The following RBFOX1 variants were observed in gnomAD, a reference collection of about 807,000 sequenced individuals.
RBFOX1 encodes RNA binding protein fox-1 homolog 1.
Under a neutral mutation model 57.7 loss-of-function variants are expected in RBFOX1, and 8 were observed. The ratio of observed to expected loss-of-function variants is 0.14; its 90% CI spans 0.08 to 0.25. RBFOX1 has a LOEUF of 0.25. RBFOX1 is among the 10% of genes least tolerant of loss of function. The probability of loss-of-function intolerance (pLI) is 1.00; values close to 1 mark genes in which losing one functional copy is unlikely to be tolerated. For synonymous variants in RBFOX1, 326 were observed against 222.4 expected, an observed-to-expected ratio of 1.47 and a Z score of -4.15; for missense variants, 611 against 548.5, an observed-to-expected ratio of 1.11 and a Z score of -1.14.
intron 4 of RBFOX1, among the ~76,000 whole-genome samples, chr16:7,063,141 C>G (rs892136890): frequency 2.6e-5 from 4 of 151,922 alleles, no homozygotes; most frequent in African/African-American, 7.3e-5. Flanking sequence ...GAAAGGAGCT[C>G]TTGGTTTAGG....
chr16:5,281,310 T>A (rs972468931), intron 1 of RBFOX1, among the ~76,000 whole-genome samples: 1 of 152,234 alleles, frequency 6.6e-6, no homozygotes, highest in Non-Finnish European at 1.5e-5. Flanking sequence ...ATTTTAATTT[T>A]TAAAATTTTG....
chr16:6,847,135 A>G (rs887408852), intron 3 of RBFOX1, among the ~76,000 whole-genome samples: 2 of 151,954 alleles, frequency 1.3e-5, no homozygotes, highest in African/African-American at 2.4e-5. Context: ...TGGTTCATCC[A>G]CTCCTGTCTT....
At chr16:6,662,055 C>G (rs2098704722) in intron 3 of RBFOX1, among the ~76,000 whole-genome samples, 1 of 151,588 alleles carries the variant, frequency 6.6e-6, no homozygotes, top group South Asian at 2.1e-4. Context: ...ACTACATGAG[C>G]TCACTTTTAC....
intron 4 of RBFOX1, among the ~76,000 whole-genome samples, chr16:7,148,465 A>G (rs978199739): frequency 5.9e-5 from 9 of 152,208 alleles, no homozygotes; most frequent in Non-Finnish European, 1.3e-4. Flanking sequence ...TGCTGTTTAC[A>G]TCTCAACTTC....
chr16:7,382,969 A>T (rs1257237873), intron 4 of RBFOX1, among the ~76,000 whole-genome samples: 1 of 152,234 alleles, frequency 6.6e-6, no homozygotes, highest in Non-Finnish European at 1.5e-5. Context: ...GAAAAGAAGG[A>T]ACATCTAGCC....
At chr16:7,191,381 G>T (rs759245392) in intron 4 of RBFOX1, among the ~76,000 whole-genome samples, 2 of 151,498 alleles carry the variant, frequency 1.3e-5, no homozygotes, top group Non-Finnish European at 2.9e-5. Context: ...TTTCCTGGAT[G>T]CTTTACAATA....
intron 1 of RBFOX1, among the ~76,000 whole-genome samples, chr16:5,306,241 C>G (rs909847730): frequency 1.3e-5 from 2 of 152,074 alleles, no homozygotes; most frequent in African/African-American, 4.8e-5. Flanking sequence ...GTAAAGAAGA[C>G]TTAGAACCTT....
At chr16:7,597,552 A>G (rs775985815) in intron 9 of RBFOX1, 121 bp downstream of exon 9, 10 of 801,912 alleles carry the variant, frequency 1.2e-5, no homozygotes, top group Middle Eastern at 5.0e-4. Context: ...TGTTTTTACT[A>G]CTGACCTGCT....
chr16:5,392,998 C>A (rs2066456010), intron 1 of RBFOX1, among the ~76,000 whole-genome samples: 2 of 151,942 alleles, frequency 1.3e-5, no homozygotes, highest in African/African-American at 2.4e-5. Flanking sequence ...GATGTGGTAC[C>A]CCTGAAATAG....
chr16:7,297,396 G>C (rs1426656563), intron 4 of RBFOX1, among the ~76,000 whole-genome samples: 1 of 152,194 alleles, frequency 6.6e-6, no homozygotes, highest in Non-Finnish European at 1.5e-5. Flanking sequence ...CTTGGCACCT[G>C]AGGAAGGGGT....
At chr16:6,657,653 C>G (rs572808116) in intron 3 of RBFOX1, among the ~76,000 whole-genome samples, 4 of 152,094 alleles carry the variant, frequency 2.6e-5, no homozygotes, top group African/African-American at 9.7e-5. Flanking sequence ...AACCCAAATG[C>G]TTCTGGCAAA....
Position 7,710,934 on chromosome 16 carries a change from T to C in RBFOX1, c.*189T>C. On this transcript the variant is annotated 3_prime_UTR_variant, in exon 16 of 16. Coordinates refer to ENST00000550418, the MANE Select transcript of RBFOX1 (RefSeq NM_018723.4). ...TTTTGTTCTGTGTATTTTAATATTG[T>C]GGGTCTTTAATTTCTGAAGGTTCCG... 1 of 691,234 alleles carries C rather than the reference T, an allele frequency of 1.4e-6. No individual in the cohort carries two copies. The allele number at this position is 691,234 out of a possible 1,614,324, so 42.8% of individuals were successfully genotyped here. A position where few individuals can be genotyped will look rare whatever the true frequency, so the allele number is the denominator to read the frequency against.
intron 4 of RBFOX1, among the ~76,000 whole-genome samples, chr16:7,434,275 T>C (rs1233654490): frequency 1.3e-5 from 2 of 151,836 alleles, no homozygotes; most frequent in Non-Finnish European, 2.9e-5. Flanking sequence ...ATCGAGACCA[T>C]CCTGGCTAAC....
intron 1 of RBFOX1, among the ~76,000 whole-genome samples, chr16:6,311,076 C>T (rs2080225142): frequency 6.6e-6 from 1 of 151,904 alleles, no homozygotes; most frequent in South Asian, 2.1e-4. Flanking sequence ...GCGGGCAAAT[C>T]ACAAGGTCAG....
intron 3 of RBFOX1, among the ~76,000 whole-genome samples, chr16:6,656,539 G>T (rs371814871): frequency 6.6e-6 from 1 of 151,308 alleles, no homozygotes; most frequent in Admixed American, 6.6e-5. Context: ...GTGGGAAAAA[G>T]TCATTAATGG....
intron 2 of RBFOX1, among the ~76,000 whole-genome samples, chr16:6,593,995 C>A (rs1207862931): frequency 6.6e-6 from 1 of 152,168 alleles, no homozygotes; most frequent in Non-Finnish European, 1.5e-5. Flanking sequence ...TCCAGCCTCC[C>A]TCCGCCCAGT....
At chr16:7,052,670 A>G (rs2050516754) in intron 4 of RBFOX1, among the ~76,000 whole-genome samples, 1 of 152,190 alleles carries the variant, frequency 6.6e-6, no homozygotes. Flanking sequence ...ATATCGGTGT[A>G]AGAAGTATTC....
intron 3 of RBFOX1, among the ~76,000 whole-genome samples, chr16:6,830,779 T>C (rs1359606173): frequency 6.6e-6 from 1 of 152,158 alleles, no homozygotes; most frequent in African/African-American, 2.4e-5. Flanking sequence ...CGTCCTCTGT[T>C]GAGATGGTAA....
chr16:5,504,116 C>T (rs1027759830), intron 2 of RBFOX1, among the ~76,000 whole-genome samples: 2 of 152,192 alleles, frequency 1.3e-5, no homozygotes, highest in African/African-American at 4.8e-5. Flanking sequence ...ACTTGCCAAC[C>T]AGCCTCATTG....
Sources: allele counts gnomAD v4.1 joint callset (sites outside exome capture counted in the v4.1 genomes callset), GRCh38; gene constraint gnomAD v4.1.1; transcripts MANE v1.5; gene names NCBI Gene and HGNC (gene_info 2026-07-23, HGNC 2026-07-21).